MMP16: variants seen among roughly 807,000 people sequenced by gnomAD.
The protein encoded by MMP16 is matrix metallopeptidase 16.
MMP16 carries 12 observed loss-of-function variants against 67.8 expected under a neutral mutation model. The ratio of observed to expected loss-of-function variants is 0.18; its 90% CI spans 0.11 to 0.29. MMP16 has a LOEUF of 0.29. Ranked by LOEUF, MMP16 falls within the 10% of genes least tolerant of loss-of-function variation. The probability of loss-of-function intolerance (pLI) is 1.00; values close to 1 mark genes in which losing one functional copy is unlikely to be tolerated. For missense variants in MMP16, 475 were observed against 765.7 expected (o/e 0.62, Z 4.48); for synonymous variants, 249 against 255.9 (o/e 0.97, Z 0.26).
intron 1 of MMP16, among the ~76,000 whole-genome samples, chr8:88,226,285 G>C (rs570707623): frequency 1.3e-5 from 2 of 151,846 alleles, no homozygotes; most frequent in Non-Finnish European, 2.9e-5. Context: ...ATATTGAATA[G>C]ACTTATTAAT....
chr8:88,061,905 A>G (rs1486863572), intron 7 of MMP16, among the ~76,000 whole-genome samples: 1 of 151,678 alleles, frequency 6.6e-6, no homozygotes, highest in Non-Finnish European at 1.5e-5. Context: ...TTTTTTCTTA[A>G]CCTGCTAGGA....
At chr8:88,178,010 A>AG (rs1482505042) in intron 3 of MMP16, among the ~76,000 whole-genome samples, 1 of 152,018 alleles carries the variant, frequency 6.6e-6, no homozygotes, top group Non-Finnish European at 1.5e-5. Flanking sequence ...GAGGAGACAA[A>AG]GAAAAAAAAA....
In MMP16 at chr8:88,037,284, G is replaced by C. The variant is rs919425499; in HGVS notation, c.*4177C>G. ...ACCCACAGAGAGGGAATGAAAATAG[G>C]TACACAGTATATGAAATGGCCAAAT... On this transcript the variant is annotated 3_prime_UTR_variant, in exon 10 of 10. Coordinates refer to ENST00000286614, the MANE Select transcript of MMP16 (RefSeq NM_005941.5). The C allele has an allele frequency of 1.3e-5, 2 of 151,090 alleles. No individual in the cohort carries two copies. Among genetic ancestry groups the C allele is most frequent in the African/African-American group, 4.9e-5 (2 of 41,200 alleles). The allele number at this position is 151,090 out of a possible 1,614,324, so 9.4% of individuals were successfully genotyped here. A position where few individuals can be genotyped will look rare whatever the true frequency, so the allele number is the denominator to read the frequency against.
At chr8:88,205,467 C>T (rs988916470) in intron 1 of MMP16, among the ~76,000 whole-genome samples, 3 of 152,166 alleles carry the variant, frequency 2.0e-5, no homozygotes, top group African/African-American at 2.4e-5. Flanking sequence ...TGAGCTGTGG[C>T]TGCATATGTT....
intron 7 of MMP16, among the ~76,000 whole-genome samples, chr8:88,072,439 G>C (rs1030069494): frequency 6.6e-6 from 1 of 152,092 alleles, no homozygotes; most frequent in Admixed American, 6.6e-5. Context: ...CTTTGAGAGG[G>C]TTTATTTGAG....
At chr8:88,200,891 A>AT (rs1809333431) in intron 1 of MMP16, among the ~76,000 whole-genome samples, 1 of 151,940 alleles carries the variant, frequency 6.6e-6, no homozygotes, top group African/African-American at 2.4e-5. Flanking sequence ...CTAAGCAGTA[A>AT]TTTTTTAAAA....
chr8:88,285,714 T>C (rs1471073026), intron 1 of MMP16, among the ~76,000 whole-genome samples: 2 of 152,224 alleles, frequency 1.3e-5, no homozygotes, highest in Non-Finnish European at 2.9e-5. Context: ...TTTTTCCTTT[T>C]TAAAAATTAA....
At chr8:88,087,353 C>A (rs1808850743) in intron 6 of MMP16, among the ~76,000 whole-genome samples, 1 of 151,820 alleles carries the variant, frequency 6.6e-6, no homozygotes, top group African/African-American at 2.4e-5. Context: ...CCTCCTATTC[C>A]CCCAAAGACT....
At chr8:88,122,999 G>A (rs1331455269) in intron 4 of MMP16, among the ~76,000 whole-genome samples, 1 of 151,344 alleles carries the variant, frequency 6.6e-6, no homozygotes, top group East Asian at 2.0e-4. Context: ...CGGCCAACAT[G>A]GATATCCATG....
intron 9 of MMP16, among the ~76,000 whole-genome samples, chr8:88,046,337 G>A (rs141863430): frequency 2.2e-4 from 34 of 152,072 alleles, no homozygotes; most frequent in African/African-American, 8.2e-4. Flanking sequence ...CCTTGTGACC[G>A]GTTCTGTCCC....
intron 8 of MMP16, among the ~76,000 whole-genome samples, chr8:88,052,628 G>C (rs893636637): frequency 3.3e-5 from 5 of 152,152 alleles, no homozygotes; most frequent in Admixed American, 3.3e-4. Flanking sequence ...GTTTGCCATG[G>C]GCTACAGGGC....
chr8:88,211,016 A>T (rs1399332242), intron 1 of MMP16, among the ~76,000 whole-genome samples: 2 of 152,180 alleles, frequency 1.3e-5, no homozygotes, highest in African/African-American at 4.8e-5. Flanking sequence ...CAACTTGCCC[A>T]GGGCTACAGA....
At chr8:88,099,825 A>T (rs1809104386) in intron 6 of MMP16, among the ~76,000 whole-genome samples, 1 of 151,898 alleles carries the variant, frequency 6.6e-6, no homozygotes, top group Admixed American at 6.6e-5. Context: ...CTCTTGTTAT[A>T]CCTCCTGCCT....
intron 1 of MMP16, among the ~76,000 whole-genome samples, chr8:88,313,528 C>T (rs1237970885): frequency 6.6e-6 from 1 of 152,088 alleles, no homozygotes; most frequent in East Asian, 1.9e-4. Flanking sequence ...TTATGCTGTG[C>T]CTTACTGTAG....
chr8:88,298,990 G>A (rs962566892), intron 1 of MMP16, among the ~76,000 whole-genome samples: 2 of 151,584 alleles, frequency 1.3e-5, no homozygotes, highest in Non-Finnish European at 2.9e-5. Context: ...AATTTGTTTT[G>A]TAAAAATCCA....
intron 7 of MMP16, among the ~76,000 whole-genome samples, chr8:88,057,273 C>A (rs2118228433): frequency 6.6e-6 from 1 of 152,218 alleles, no homozygotes; most frequent in South Asian, 2.1e-4. Context: ...TCCTAGGACT[C>A]TGTTCTCTGC....
At chr8:88,310,194 G>C (rs1280495399) in intron 1 of MMP16, among the ~76,000 whole-genome samples, 1 of 151,984 alleles carries the variant, frequency 6.6e-6, no homozygotes, top group African/African-American at 2.4e-5. Flanking sequence ...AAAAAACGAC[G>C]AAGTTTAGAA....
intron 1 of MMP16, among the ~76,000 whole-genome samples, chr8:88,274,537 G>A (rs1411251569): frequency 6.6e-6 from 1 of 151,944 alleles, no homozygotes; most frequent in Non-Finnish European, 1.5e-5. Context: ...GAACAAAGTA[G>A]ATACTAAAAA....
chr8:88,125,579 T>G (rs1260268507), intron 4 of MMP16, among the ~76,000 whole-genome samples: 2 of 151,940 alleles, frequency 1.3e-5, no homozygotes, highest in East Asian at 3.9e-4. Context: ...AGGAAAATAT[T>G]TGAATAATCA....
Sources: allele counts gnomAD v4.1 joint callset (sites outside exome capture counted in the v4.1 genomes callset), GRCh38; gene constraint gnomAD v4.1.1; transcripts MANE v1.5; gene names NCBI Gene and HGNC (gene_info 2026-07-23, HGNC 2026-07-21).